Variants in PCDH19 observed in about 807,000 individuals in gnomAD.
PCDH19 encodes the protein protocadherin 19.
Under a neutral mutation model 46.2 loss-of-function variants are expected in PCDH19, and 6 were observed. That is an observed-to-expected ratio of 0.13 (90% CI 0.07 to 0.26). PCDH19 has a LOEUF of 0.26. Ranked by LOEUF, PCDH19 falls within the 10% of genes least tolerant of loss-of-function variation. PCDH19 has a pLI of 1.00. For synonymous variants in PCDH19, 481 were observed against 415.7 expected (o/e 1.16, Z -1.91); for missense variants, 740 against 972.3 (o/e 0.76, Z 3.18).
intron 5 of PCDH19, among the ~76,000 whole-genome samples, chrX:100,322,587 T>A (rs1388296489): frequency 2.8e-5 from 3 of 108,790 alleles, no homozygotes; most frequent in Non-Finnish European, 5.7e-5. Context: ...AGGCTCTTTT[T>A]TGGTTTCATA....
At chrX:100,371,855 C>T (rs1031098091) in intron 3 of PCDH19, among the ~76,000 whole-genome samples, 2 of 56,825 alleles carry the variant, frequency 3.5e-5, no homozygotes, top group African/African-American at 1.0e-4. Context: ...ACTATACACA[C>T]ACACACACAC....
intron 5 of PCDH19, among the ~76,000 whole-genome samples, chrX:100,309,923 T>A (rs146105859): frequency 1.3e-3 from 150 of 112,564 alleles, no homozygotes; most frequent in Middle Eastern, 4.6e-3. Context: ...CCTAGACCAT[T>A]TCACTGATCA....
At chrX:100,345,868 G>C (rs1315428177) in intron 4 of PCDH19, among the ~76,000 whole-genome samples, 1 of 111,716 alleles carries the variant, frequency 9.0e-6, no homozygotes, top group Non-Finnish European at 1.9e-5. Flanking sequence ...TTAATGAATG[G>C]ATTTGTGTAA....
chrX:100,405,488 G>T (rs775357412), intron 1 of PCDH19, among the ~76,000 whole-genome samples: 1 of 111,118 alleles, frequency 9.0e-6, no homozygotes, highest in Non-Finnish European at 1.9e-5. Context: ...GTGCTTATCA[G>T]GAAATCTTTT....
intron 5 of PCDH19, among the ~76,000 whole-genome samples, chrX:100,334,821 GATATACACATAT>G (rs1173337248): frequency 1.1e-5 from 1 of 94,994 alleles, no homozygotes; most frequent in African/African-American, 3.8e-5. Flanking sequence ...TATACATATA[GATATACACATAT>G]ATATACACAT....
chrX:100,324,361 C>A (rs187001565), intron 5 of PCDH19, among the ~76,000 whole-genome samples: 15 of 111,520 alleles, frequency 1.3e-4, no homozygotes, highest in Non-Finnish European at 2.3e-4. Context: ...AGAAGGAATG[C>A]CAAAGGGAGG....
intron 5 of PCDH19, among the ~76,000 whole-genome samples, chrX:100,329,821 A>C (rs1032877858): frequency 2.7e-5 from 3 of 111,492 alleles, no homozygotes; most frequent in Non-Finnish European, 5.6e-5. Flanking sequence ...CTGAGGGAAG[A>C]GAATCTCTTG....
At chrX:100,391,008 G>A (rs772680570) in intron 3 of PCDH19, among the ~76,000 whole-genome samples, 103 of 111,740 alleles carry the variant, frequency 9.2e-4, no homozygotes, top group African/African-American at 3.1e-3. Flanking sequence ...TTTCAAAGTG[G>A]AAGCTTCAAG....
intron 4 of PCDH19, among the ~76,000 whole-genome samples, chrX:100,347,034 C>T (rs924226891): frequency 9.1e-6 from 1 of 110,404 alleles, no homozygotes; most frequent in African/African-American, 3.3e-5. Flanking sequence ...TCACATAAGC[C>T]TCCTTGGGTA....
At chrX:100,328,392 G>A (rs149423097) in intron 5 of PCDH19, among the ~76,000 whole-genome samples, 6 of 111,837 alleles carry the variant, frequency 5.4e-5, no homozygotes, top group African/African-American at 1.6e-4. Flanking sequence ...TCATGCAAAT[G>A]TAACAGTTTG....
Position 100,410,224 on chromosome X carries a change from A to AGCC in PCDH19, c.-1630_-1628dup. The AGCC allele has an allele frequency of 3.4e-6, 1 of 295,370 alleles. No homozygotes were observed. The highest frequency in any genetic ancestry group is 4.8e-5 in the East Asian group (1 of 20,895). 24.3% of individuals were successfully genotyped at this position (295,370 alleles called of 1,213,427 possible). A position where few individuals can be genotyped will look rare whatever the true frequency, so the allele number is the denominator to read the frequency against. On this transcript the variant is annotated 5_prime_UTR_variant, in exon 1 of 6. Transcript: ENST00000373034. ...CGCTCGTCCGTCTCCGCGCTGCGCC[A>AGCC]GCCGCCGCCGCTACTGCTGCTGCTG...
intron 3 of PCDH19, among the ~76,000 whole-genome samples, chrX:100,390,014 AT>A (rs780225006): frequency 2.6e-4 from 29 of 111,488 alleles, no homozygotes; most frequent in Non-Finnish European, 4.9e-4. Context: ...AATAAATCAT[AT>A]TTTTTCCAAT....
chrX:100,393,603 C>G (rs924101842), intron 3 of PCDH19, among the ~76,000 whole-genome samples: 1 of 110,476 alleles, frequency 9.1e-6, no homozygotes, highest in African/African-American at 3.3e-5. Flanking sequence ...CACAGGGAAT[C>G]CATTTTGCTC....
chrX:100,388,693 C>T, intron 3 of PCDH19, among the ~76,000 whole-genome samples: 1 of 110,445 alleles, frequency 9.1e-6, no homozygotes, highest in Non-Finnish European at 1.9e-5. Flanking sequence ...AATTATACTC[C>T]ATGTTGCAGT....
chrX:100,314,284 T>C (rs1176292993), intron 5 of PCDH19, among the ~76,000 whole-genome samples: 2 of 111,878 alleles, frequency 1.8e-5, no homozygotes, highest in Non-Finnish European at 3.8e-5. Context: ...TTTTCTGGTC[T>C]GCATTACCAT....
chrX:100,298,998 C>T (rs1270205342), intron 5 of PCDH19, among the ~76,000 whole-genome samples: 1 of 111,429 alleles, frequency 9.0e-6, no homozygotes, highest in African/African-American at 3.3e-5. Flanking sequence ...CCAAATAATA[C>T]CTCTAAAAAA....
chrX:100,344,319 C>A (rs760043230), intron 4 of PCDH19, among the ~76,000 whole-genome samples: 7 of 112,178 alleles, frequency 6.2e-5, no homozygotes, highest in African/African-American at 1.9e-4. Flanking sequence ...CTTTTATGGC[C>A]ATGATGGCCA....
intron 3 of PCDH19, among the ~76,000 whole-genome samples, chrX:100,369,858 GACTAAT>G (rs1927168963): frequency 1.8e-5 from 2 of 111,947 alleles, no homozygotes; most frequent in Non-Finnish European, 3.8e-5. Context: ...AATTCAGAGG[GACTAAT>G]ACCTCTTATA....
At chrX:100,336,005 G>C (rs933262156) in intron 5 of PCDH19, among the ~76,000 whole-genome samples, 1 of 112,394 alleles carries the variant, frequency 8.9e-6, no homozygotes, top group African/African-American at 3.2e-5. Context: ...TTGCAAAACA[G>C]TGTATCTAGC....
Sources: allele counts gnomAD v4.1 joint callset (sites outside exome capture counted in the v4.1 genomes callset), GRCh38; gene constraint gnomAD v4.1.1; transcripts MANE v1.5; gene names NCBI Gene and HGNC (gene_info 2026-07-23, HGNC 2026-07-21).